The following GUCY2C variants were observed in gnomAD, a reference collection of about 807,000 sequenced individuals.
GUCY2C encodes guanylyl cyclase C.
In GUCY2C, 118 loss-of-function variants were observed where a neutral mutation model predicts 131.1. That is an observed-to-expected ratio of 0.90 (90% CI 0.78 to 1.05). The LOEUF is 1.05. Among genes scored for constraint, GUCY2C ranks in the 50% least tolerant of loss-of-function variants. The pLI is 0.00. For synonymous variants in GUCY2C, 452 were observed against 457.8 expected (o/e 0.99, Z 0.16); for missense variants, 1,161 against 1,304.4 (o/e 0.89, Z 1.69).
Position 14,674,624 on chromosome 12 carries a change from C to T in GUCY2C, c.1084+1G>A. 1 of 1,613,366 alleles carries T rather than the reference C, an allele frequency of 6.2e-7. No individual in the cohort carries two copies. Among genetic ancestry groups the T allele is most frequent in the Non-Finnish European group, 8.5e-7 (1 of 1,179,548 alleles). ...GTTATTTGCTCTTAGTAGACCAGTACCTTCAAAAGTGAGATTCCTGAAAGC... is the reference window on the plus strand; with the variant it reads ...GTTATTTGCTCTTAGTAGACCAGTATCTTCAAAAGTGAGATTCCTGAAAGC... On this transcript the variant is annotated splice_donor_variant, in intron 8 of 26. Transcript: ENST00000261170. LOFTEE classifies it high-confidence loss of function.
chr12:14,644,740 C>CTTTTT (rs542151875), intron 16 of GUCY2C, among the ~76,000 whole-genome samples: 2 of 108,652 alleles, frequency 1.8e-5, no homozygotes, highest in African/African-American at 7.1e-5. Flanking sequence ...ATTCAGTTGT[C>CTTTTT]TTTTTTTTTT....
rs762336239 is a variant in GUCY2C, at chr12:14,672,875, T to A, written c.1168A>T (p.Lys390Ter). ...TTCTGATAAGCAGTGAGACATACTT[T>A]CTTGGTGTCCACAGAGGTATACAGA... Reference protein sequence around the residue: ...VLLYTSVDTKKYKVLLTYDTH... With the variant: ...VLLYTSVDTK Residue 390 changes from lysine to a stop codon, truncating the protein, a stop_gained and splice_region_variant, in exon 9 of 27, where the codon AAA (lysine) becomes TAA (stop). Coordinates refer to ENST00000261170, the MANE Select transcript of GUCY2C (RefSeq NM_004963.4). LOFTEE classifies it high-confidence loss of function. The A allele has an allele frequency of 2.5e-6, 4 of 1,577,684 alleles. No individual in the cohort carries two copies. The highest frequency in any genetic ancestry group is 3.5e-6 in the Non-Finnish European group (4 of 1,147,074).
At chr12:14,619,479 A>G (rs1946847708) in intron 23 of GUCY2C, 170 bp from the exon 24 acceptor site, 2 of 555,536 alleles carry the variant, frequency 3.6e-6, no homozygotes, top group South Asian at 5.2e-5. Context: ...GATGAATCCA[A>G]TGAAGCATCA....
chr12:14,672,601 T>C (rs1429695781), intron 9 of GUCY2C, among the ~76,000 whole-genome samples: 1 of 152,204 alleles, frequency 6.6e-6, no homozygotes, highest in Non-Finnish European at 1.5e-5. Context: ...TGGGTGGATA[T>C]TTAAAATATC....
intron 16 of GUCY2C, among the ~76,000 whole-genome samples, chr12:14,644,473 G>T (rs1947473204): frequency 6.6e-6 from 1 of 152,230 alleles, no homozygotes; most frequent in South Asian, 2.1e-4. Context: ...TGGATCACAG[G>T]AGTGACGTGT....
chr12:14,629,236 C>G (rs1947092469), intron 19 of GUCY2C, among the ~76,000 whole-genome samples: 1 of 151,962 alleles, frequency 6.6e-6, no homozygotes, highest in Non-Finnish European at 1.5e-5. Context: ...TTAACCGGAC[C>G]CATTTAGGAT....
intron 11 of GUCY2C, among the ~76,000 whole-genome samples, chr12:14,657,062 C>T (rs148757145): frequency 6.6e-6 from 1 of 152,326 alleles, no homozygotes; most frequent in Non-Finnish European, 1.5e-5. Context: ...CGGTACCGCT[C>T]GCTCACCCGC....
intron 20 of GUCY2C, 42 bp from the exon 21 acceptor site, chr12:14,625,957 G>A (rs1319973248): frequency 8.7e-7 from 1 of 1,155,204 alleles, no homozygotes; most frequent in East Asian, 2.4e-5. Context: ...ATATTATTAA[G>A]AAAACATGAA....
chr12:14,657,018 G>C (rs1034669065), intron 11 of GUCY2C, among the ~76,000 whole-genome samples: 1 of 152,210 alleles, frequency 6.6e-6, no homozygotes, highest in Admixed American at 6.5e-5. Flanking sequence ...ACAATCTAAT[G>C]CCCTGACTGA....
intron 10 of GUCY2C, among the ~76,000 whole-genome samples, chr12:14,662,047 G>C (rs543000021): frequency 6.6e-6 from 1 of 152,084 alleles, no homozygotes; most frequent in East Asian, 1.9e-4. Context: ...CAAGAAGACT[G>C]CACGGGAAAG....
intron 1 of GUCY2C, among the ~76,000 whole-genome samples, chr12:14,691,903 C>A (rs1050306382): frequency 3.3e-5 from 5 of 152,178 alleles, no homozygotes; most frequent in African/African-American, 1.2e-4. Context: ...GGTATTATTT[C>A]ACTTAATCCT....
chr12:14,620,889 G>A (rs1427645086), intron 23 of GUCY2C, among the ~76,000 whole-genome samples, 153 bp downstream of exon 23: 2 of 152,106 alleles, frequency 1.3e-5, no homozygotes, highest in African/African-American at 4.8e-5. Flanking sequence ...AAATATCTCA[G>A]GATGCATAGT....
chr12:14,677,871 C>T (rs1358745507), intron 6 of GUCY2C, among the ~76,000 whole-genome samples: 1 of 152,060 alleles, frequency 6.6e-6, no homozygotes, highest in Non-Finnish European at 1.5e-5. Flanking sequence ...TGAGCCACCA[C>T]ACCCAGCCTC....
chr12:14,657,561 C>A (rs1310815919), intron 11 of GUCY2C, among the ~76,000 whole-genome samples: 1 of 152,156 alleles, frequency 6.6e-6, no homozygotes, highest in Non-Finnish European at 1.5e-5. Flanking sequence ...AGCTGCACAG[C>A]AGGAGGTGAG....
chr12:14,616,524 G>A, intron 25 of GUCY2C, 109 bp downstream of exon 25: 1 of 728,326 alleles, frequency 1.4e-6, no homozygotes, highest in South Asian at 1.5e-5. Flanking sequence ...TCATCGTGAT[G>A]AGTACAGAAG....
Position 14,641,161 on chromosome 12 carries a change from C to T in GUCY2C, c.1989G>A (p.Val663=), listed in dbSNP as rs893546346. ...CCTGTGCGATGATCCCATAGCTGTA[C>T]ACATCTCCTTTCTGAGAGATGTTGG... ...RQANISQKGD[V]YSYGIIAQEI... is the part of the protein sequence containing the mutation. Residue 663 remains valine, a synonymous_variant, in exon 18 of 27, where the codon GTG becomes GTA. Coordinates refer to ENST00000261170, the MANE Select transcript of GUCY2C (RefSeq NM_004963.4). 6 of 1,613,100 alleles carry T rather than the reference C, an allele frequency of 3.7e-6. No individual in the cohort carries two copies. Among genetic ancestry groups the T allele is most frequent in the Admixed American group, 1.7e-5 (1 of 60,020 alleles).
intron 19 of GUCY2C, among the ~76,000 whole-genome samples, chr12:14,632,187 C>T (rs1485054301): frequency 2.6e-5 from 4 of 152,056 alleles, no homozygotes; most frequent in African/African-American, 7.2e-5. Context: ...TGCCTGTTCA[C>T]TCTGATGGTA....
At chr12:14,673,004 C>G (rs1385455236) in intron 8 of GUCY2C, 46 bp from the exon 9 acceptor site, 9 of 1,097,722 alleles carry the variant, frequency 8.2e-6, no homozygotes, top group East Asian at 2.4e-5. Flanking sequence ...TGATTTTTGC[C>G]TGACAGATAA....
chr12:14,678,314 A>G (rs953498040), intron 6 of GUCY2C, among the ~76,000 whole-genome samples: 1 of 152,262 alleles, frequency 6.6e-6, no homozygotes, highest in Non-Finnish European at 1.5e-5. Context: ...GAATGTGAAC[A>G]CATTATGTCT....
Sources: gnomAD v4.1 joint callset for allele counts (sites outside exome capture counted in the v4.1 genomes callset) on GRCh38, gnomAD v4.1.1 for gene constraint, MANE v1.5 for transcripts, NCBI Gene and HGNC (gene_info 2026-07-23, HGNC 2026-07-21) for gene names.